The following GSDMC variants were observed in gnomAD, a reference collection of about 807,000 sequenced individuals.
GSDMC encodes gasdermin C.
Under a neutral mutation model 58.0 loss-of-function variants are expected in GSDMC, and 59 were observed. The ratio of observed to expected loss-of-function variants is 1.02; its 90% CI spans 0.82 to 1.26. The LOEUF (loss-of-function observed/expected upper bound fraction) is 1.26, where lower values mean the gene tolerates loss of function less well. Among genes scored for constraint, GSDMC ranks in the 50% most tolerant of loss-of-function variants. The pLI, the probability that GSDMC is intolerant of heterozygous loss-of-function variation, is 0.00. For synonymous variants in GSDMC, 241 were observed against 220.2 expected, an observed-to-expected ratio of 1.09 and a Z score of -0.83; for missense variants, 659 against 598.5, an observed-to-expected ratio of 1.10 and a Z score of -1.06.
At chr8:129,773,382 AT>A (rs2034120917) in intron 3 of GSDMC, among the ~76,000 whole-genome samples, 1 of 152,246 alleles carries the variant, frequency 6.6e-6, no homozygotes, top group South Asian at 2.1e-4. Flanking sequence ...TAAAAACTTC[AT>A]TTAAAAAATG....
chr8:129,749,923 A>C (rs2033104584), intron 12 of GSDMC, 67 bp downstream of exon 12: 2 of 1,361,736 alleles, frequency 1.5e-6, no homozygotes, highest in Non-Finnish European at 2.0e-6. Flanking sequence ...AGCATCTAAC[A>C]CAGCTTTTTG....
downstream of GSDMC, among the ~76,000 whole-genome samples, chr8:129,743,974 C>A (rs2032914714): frequency 2.0e-5 from 3 of 152,002 alleles, no homozygotes; most frequent in South Asian, 6.2e-4. Flanking sequence ...TATTTTGAAG[C>A]CTTATGCTAT....
At position 129,748,680 on chromosome 8, in the gene GSDMC, G is replaced by A. The variant is rs778760906; in HGVS notation, c.1348C>T (p.Pro450Ser). 4.6e-5 allele frequency: 74 copies of A among 1,604,926 alleles called. 1 individual carries two copies. Among genetic ancestry groups the A allele is most frequent in the Non-Finnish European group, 5.7e-5 (67 of 1,175,954 alleles). The change falls in exon 14 of 14, where the codon CCT (proline) becomes TCT (serine). Residue 450 changes from proline to serine, a missense_variant. Transcript: ENST00000276708. ...CTCTGGAGTGGGGCGAGGAGCTCAG[G>A]TTTGAGGGTGAAGGGAATGCTCCAG... ...YPWSIPFTLK[P>S]ELLAPLQSEG...
intron 1 of GSDMC, among the ~76,000 whole-genome samples, chr8:129,783,980 A>G (rs1406755159): frequency 6.6e-6 from 1 of 152,220 alleles, no homozygotes; most frequent in Non-Finnish European, 1.5e-5. Flanking sequence ...TGCCAAGAAC[A>G]TACATTAGAG....
At chr8:129,739,046 A>AT in the GSDMC span, among the ~76,000 whole-genome samples, 31 of 151,622 alleles carry the variant, frequency 2.0e-4, no homozygotes, top group Admixed American at 9.8e-4. Flanking sequence ...AAGAGTTTTT[A>AT]TTTTTTTTTA....
chr8:129,758,078 A>G lies in GSDMC; in HGVS notation c.721+2467T>C, dbSNP rs939391390. The stretch of plus-strand genomic sequence containing the variant: ...TAGTTCAACATACACAAATCAATCA[A>G]TGTGATACATTATATCAACAGAATG... On this transcript the variant is annotated intron_variant, in intron 6 of 13. Transcript: ENST00000276708. Among the ~76,000 whole-genome samples the G allele has an allele frequency of 6.6e-5, 10 of 152,240 alleles. No individual in the cohort carries two copies. The East Asian group carries it at 7.7e-4, about 12-fold the overall frequency.
At chr8:129,726,421 A>C in the GSDMC span, among the ~76,000 whole-genome samples, 1 of 152,110 alleles carries the variant, frequency 6.6e-6, no homozygotes, top group Non-Finnish European at 1.5e-5. Flanking sequence ...GATGGCCTTG[A>C]ATTCAGTAGG....
chr8:129,743,590 A>G (rs2032907630), downstream of GSDMC, among the ~76,000 whole-genome samples: 1 of 152,188 alleles, frequency 6.6e-6, no homozygotes, highest in African/African-American at 2.4e-5. Flanking sequence ...TATGTTATAG[A>G]TCACATTTAC....
chr8:129,707,810 G>A, the GSDMC span, among the ~76,000 whole-genome samples: 1 of 152,240 alleles, frequency 6.6e-6, no homozygotes, highest in Non-Finnish European at 1.5e-5. Context: ...TGGCATAAGT[G>A]GTTGACTAAT....
chr8:129,756,330 A>T (rs1466065835), intron 6 of GSDMC, among the ~76,000 whole-genome samples: 1 of 152,116 alleles, frequency 6.6e-6, no homozygotes, highest in Non-Finnish European at 1.5e-5. Context: ...ATATATATGC[A>T]CTCAACACTG....
At chr8:129,714,770 G>T in the GSDMC span, among the ~76,000 whole-genome samples, 16,627 of 150,436 alleles carry the variant, frequency 0.11, 1,359 homozygotes, top group East Asian at 0.25. Flanking sequence ...AATTGCCAAA[G>T]GAAGTTCTTC....
chr8:129,733,898 A>C, the GSDMC span, among the ~76,000 whole-genome samples: 2 of 152,240 alleles, frequency 1.3e-5, no homozygotes, highest in Non-Finnish European at 2.9e-5. Flanking sequence ...AGGATGTTCA[A>C]ACCCATCACA....
Position 129,776,255 on chromosome 8 carries a change from C to T in GSDMC, c.251G>A (p.Ser84Asn), listed in dbSNP as rs755328553. 6.2e-7 allele frequency: 1 copy of T among 1,613,184 alleles called. No homozygotes were observed. The highest frequency in any genetic ancestry group is 1.1e-5 in the South Asian group (1 of 90,898). The change falls in exon 3 of 14, where the codon AGT becomes AAT. Residue 84 changes from serine to asparagine, a missense_variant. Ser to Asn is a conservative substitution (Grantham distance 46, BLOSUM62 1). Coordinates refer to ENST00000276708, the MANE Select transcript of GSDMC (RefSeq NM_031415.3). ...CTTATGCTTCTGGATCATAATGTCA[C>T]TGAAGTGGAACGGTCCTGTCACAAC... is the stretch of plus-strand genomic sequence containing the variant. ...ETVVTGPFHF[S>N]DIMIQKHKAD...
At chr8:129,712,767 C>T in the GSDMC span, among the ~76,000 whole-genome samples, 13 of 152,304 alleles carry the variant, frequency 8.5e-5, no homozygotes, top group East Asian at 2.5e-3. Flanking sequence ...GACAGGCAAC[C>T]CAAGTGAGAC....
intron 1 of GSDMC, among the ~76,000 whole-genome samples, chr8:129,780,681 G>T (rs1049953758): frequency 6.6e-6 from 1 of 152,188 alleles, no homozygotes; most frequent in African/African-American, 2.4e-5. Flanking sequence ...ATGTTAATGA[G>T]CAAGAAGAAA....
chr8:129,778,075 A>C lies in GSDMC; in HGVS notation c.-4-484T>G, dbSNP rs115421160. ...AAGGGCCAGAGGGAAGGCGGGGCTTATGTTAAGATGATATGAGTAGTGGTA... is the reference window on the plus strand; with the variant it reads ...AAGGGCCAGAGGGAAGGCGGGGCTTCTGTTAAGATGATATGAGTAGTGGTA... On this transcript the variant is annotated intron_variant, in intron 1 of 13. Coordinates refer to ENST00000276708, the MANE Select transcript of GSDMC (RefSeq NM_031415.3). Among the ~76,000 whole-genome samples the C allele has an allele frequency of 4.5e-3, 686 of 152,310 alleles. 10 individuals are homozygous for C. Among genetic ancestry groups the C allele is most frequent in the African/African-American group, 0.016 (652 of 41,566 alleles).
At position 129,751,553 on chromosome 8, in the gene GSDMC, G is replaced by T. The variant is rs369920568; in HGVS notation, c.932C>A (p.Pro311His). ...HILPVGRIEE[P>H]FWQNFKHLQE... is the part of the protein sequence containing the mutation. ...TAATAAATACTTACTTTGCCAGAAG[G>T]GTTCCTCTATTCTTCCTAGAAGGAG... Residue 311 changes from proline (P) to histidine (H), a missense_variant, in exon 10 of 14, where the codon CCC becomes CAC. Physicochemically the swap from Pro to His is moderately conservative, Grantham distance 77. Transcript: ENST00000276708. The T allele has an allele frequency of 4.3e-6, 7 of 1,611,646 alleles. No homozygotes were observed. Among genetic ancestry groups the T allele is most frequent in the Admixed American group, 3.3e-5 (2 of 59,872 alleles).
intron 6 of GSDMC, 110 bp from the exon 7 acceptor site, chr8:129,752,930 G>C: frequency 1.3e-6 from 2 of 1,527,554 alleles, no homozygotes; most frequent in East Asian, 4.6e-5. Flanking sequence ...GCCAGTGCAC[G>C]AAGGGAGCAT....
At chr8:129,748,838 G>A (rs2033048845) in intron 13 of GSDMC, 98 bp from the exon 14 acceptor site, 2 of 1,001,362 alleles carry the variant, frequency 2.0e-6, no homozygotes, top group South Asian at 5.1e-5. Flanking sequence ...ATAATAAAAG[G>A]AGCAAGAGCT....
Sources: gnomAD v4.1 joint callset for allele counts (sites outside exome capture counted in the v4.1 genomes callset) on GRCh38, gnomAD v4.1.1 for gene constraint, MANE v1.5 for transcripts, NCBI Gene and HGNC (gene_info 2026-07-23, HGNC 2026-07-21) for gene names.